Variants in ABCA5 observed in about 807,000 individuals in gnomAD.
ABCA5 encodes ATP binding cassette subfamily A member 5, also known as cholesterol transporter ABCA5.
Under a neutral mutation model 206.0 loss-of-function variants are expected in ABCA5, and 163 were observed. The ratio of observed to expected loss-of-function variants is 0.79; its 90% confidence interval spans 0.70 to 0.90. ABCA5 has a LOEUF of 0.90. Among genes scored for constraint, ABCA5 ranks in the 40% least tolerant of loss-of-function variants. The pLI is 0.00. For missense variants in ABCA5, 1,859 were observed against 1,912.9 expected, an observed-to-expected ratio of 0.97 and a Z score of 0.53; for synonymous variants, 609 against 613.8, an observed-to-expected ratio of 0.99 and a Z score of 0.11.
chr17:69,302,602 C>A (rs534293774), intron 8 of ABCA5, 116 bp downstream of exon 8: 1 of 609,190 alleles, frequency 1.6e-6, no homozygotes, highest in Non-Finnish European at 2.4e-6. Context: ...CTTCCTCATG[C>A]TAAAATTTTA....
rs935851045 is a variant in ABCA5 at position 69,245,547 on chromosome 17, G to T, written c.*1990C>A. On this transcript the variant is annotated 3_prime_UTR_variant, in exon 39 of 39. Transcript: ENST00000392676. Reference sequence around the variant, plus strand: ...ATTAAGTTATATTTCTCCTGAGTCAGATTTTGTTACTGTGAAAAAGGGAAC... The same window carrying T: ...ATTAAGTTATATTTCTCCTGAGTCATATTTTGTTACTGTGAAAAAGGGAAC... 1 of 151,760 alleles carries T rather than the reference G, an allele frequency of 6.6e-6. No homozygotes were observed. The highest frequency in any genetic ancestry group is 1.5e-5 in the Non-Finnish European group (1 of 67,806). The allele number at this position is 151,760 out of a possible 1,614,324, so 9.4% of individuals were successfully genotyped here.
intron 1 of ABCA5, chr17:69,317,199 C>T (rs958317286): frequency 6.6e-6 from 1 of 151,942 alleles, no homozygotes; most frequent in African/African-American, 2.4e-5. Context: ...GGGTTTGAGA[C>T]CAGCTTGGCC....
chr17:69,321,005 T>TA (rs1453843100), intron 1 of ABCA5, among the ~76,000 whole-genome samples: 3 of 151,602 alleles, frequency 2.0e-5, no homozygotes, highest in East Asian at 1.9e-4. Context: ...CAAGATAGAA[T>TA]AAAAAAAGGG....
At chr17:69,292,951 G>C (rs1481276025) in intron 11 of ABCA5, among the ~76,000 whole-genome samples, 1 of 152,098 alleles carries the variant, frequency 6.6e-6, no homozygotes, top group Non-Finnish European at 1.5e-5. Flanking sequence ...CATATAAAAA[G>C]GTGATTAATA....
intron 22 of ABCA5, among the ~76,000 whole-genome samples, chr17:69,269,159 T>C (rs576670997): frequency 3.3e-4 from 50 of 152,290 alleles, no homozygotes; most frequent in African/African-American, 1.1e-3. Context: ...TTGTAAGTTG[T>C]AAAATCTTGT....
At chr17:69,315,435 T>C (rs2075806470) in intron 1 of ABCA5, 2 of 152,218 alleles carry the variant, frequency 1.3e-5, no homozygotes, top group African/African-American at 4.8e-5. Flanking sequence ...TCTGTAGGTA[T>C]TAACACAAAA....
chr17:69,262,851 A>T (rs943408486), intron 24 of ABCA5, among the ~76,000 whole-genome samples: 3 of 152,120 alleles, frequency 2.0e-5, no homozygotes. Context: ...CCAAGAGTAT[A>T]TAAGAGTATA....
intron 14 of ABCA5, among the ~76,000 whole-genome samples, chr17:69,288,782 T>C (rs948175014): frequency 6.6e-6 from 1 of 151,698 alleles, no homozygotes; most frequent in Admixed American, 6.6e-5. Flanking sequence ...AAGTCTATTC[T>C]TCCATTCTCC....
At position 69,286,758 on chromosome 17, in the gene ABCA5, G is replaced by T. The variant is rs546896962; in HGVS notation, c.2042-447C>A. 2.9e-3 allele frequency among the ~76,000 whole-genome samples: 439 copies of T among 152,302 alleles called. 1 individual carries two copies. The highest frequency in any genetic ancestry group is 9.1e-3 in the South Asian group (44 of 4,834). On this transcript the variant is annotated intron_variant, in intron 15 of 38. Transcript: ENST00000392676. ...AAAATAAAGGTACTACTGAAGACATGAATGACTTGCCCAATTTTATTAGAT... is the reference window on the plus strand; with the variant it reads ...AAAATAAAGGTACTACTGAAGACATTAATGACTTGCCCAATTTTATTAGAT...
At chr17:69,308,904 CTAG>C (rs1324362532) in intron 4 of ABCA5, among the ~76,000 whole-genome samples, 2 of 151,890 alleles carry the variant, frequency 1.3e-5, no homozygotes, top group African/African-American at 4.8e-5. Flanking sequence ...ATCAAGTTCA[CTAG>C]TAGAAGACCT....
chr17:69,284,373 T>A (rs905993239), intron 17 of ABCA5, among the ~76,000 whole-genome samples: 2 of 151,928 alleles, frequency 1.3e-5, no homozygotes, highest in Non-Finnish European at 1.5e-5. Context: ...ATTAAGGACC[T>A]CAAAGAAATT....
At chr17:69,308,415 G>T in intron 4 of ABCA5, 47 bp from the exon 5 acceptor site, 2 of 1,309,404 alleles carry the variant, frequency 1.5e-6, no homozygotes, top group Non-Finnish European at 1.1e-6. Context: ...CAACATGCAA[G>T]TGCATCGTTT....
intron 17 of ABCA5, among the ~76,000 whole-genome samples, chr17:69,285,647 C>G (rs577975088): frequency 6.6e-6 from 1 of 151,558 alleles, no homozygotes; most frequent in Non-Finnish European, 1.5e-5. Context: ...ATTATTTTTA[C>G]GTTTTTTAAC....
chr17:69,261,398 G>T (rs1030466858), intron 25 of ABCA5, 139 bp from the exon 26 acceptor site: 1 of 798,362 alleles, frequency 1.3e-6, no homozygotes, highest in African/African-American at 1.8e-5. Context: ...CAAGCAACAA[G>T]AATACCACTT....
chr17:69,257,139 C>T (rs1414048825), intron 28 of ABCA5, among the ~76,000 whole-genome samples: 4 of 152,042 alleles, frequency 2.6e-5, no homozygotes, highest in African/African-American at 9.7e-5. Context: ...CCGAGGCATG[C>T]AGATCACTTG....
At chr17:69,259,527 G>A (rs1480599502) in intron 28 of ABCA5, among the ~76,000 whole-genome samples, 179 bp downstream of exon 28, 4 of 151,944 alleles carry the variant, frequency 2.6e-5, no homozygotes, top group Non-Finnish European at 4.4e-5. Context: ...GAAACAGAAA[G>A]TAGATTAGTG....
In ABCA5 at chr17:69,272,880, T is replaced by C. The variant is rs191014786; in HGVS notation, c.2764+1079A>G. On this transcript the variant is annotated intron_variant, in intron 20 of 38. Transcript: ENST00000392676. ...TTCCTAGCCATGCTTATTATTTTAA[T>C]ACTGGGCAAAGTCTTTTTTGAATTA... is the stretch of plus-strand genomic sequence containing the variant. Among the ~76,000 whole-genome samples the C allele has an allele frequency of 2.5e-3, 382 of 152,322 alleles. 4 individuals are homozygous for C. Among genetic ancestry groups the C allele is most frequent in the African/African-American group, 8.7e-3 (362 of 41,568 alleles).
intron 32 of ABCA5, 108 bp from the exon 33 acceptor site, chr17:69,253,977 A>C: frequency 1.1e-6 from 1 of 887,114 alleles, no homozygotes; most frequent in South Asian, 1.7e-5. Context: ...ACTTAGTCGA[A>C]GCTTATTATA....
intron 26 of ABCA5, 49 bp from the exon 27 acceptor site, chr17:69,260,461 T>C (rs1465072500): frequency 1.6e-6 from 2 of 1,237,160 alleles, no homozygotes; most frequent in Non-Finnish European, 2.3e-6. Flanking sequence ...TGTAGAAATA[T>C]TTGGATTAAA....
Sources: allele counts gnomAD v4.1 joint callset (sites outside exome capture counted in the v4.1 genomes callset), GRCh38; gene constraint gnomAD v4.1.1; transcripts MANE v1.5; gene names NCBI Gene and HGNC (gene_info 2026-07-23, HGNC 2026-07-21).